The following PSMD1 variants were observed in gnomAD, a reference collection of about 807,000 sequenced individuals.
PSMD1 encodes the protein 26S proteasome non-ATPase regulatory subunit 1.
In PSMD1, 18 loss-of-function variants were observed where a neutral mutation model predicts 119.0. The ratio of observed to expected loss-of-function variants is 0.15; its 90% CI spans 0.10 to 0.22. The LOEUF (loss-of-function observed/expected upper bound fraction) is 0.22, where lower values mean the gene tolerates loss of function less well. PSMD1 is among the 10% of genes least tolerant of loss of function. PSMD1 has a pLI of 1.00. For synonymous variants in PSMD1, 374 were observed against 396.6 expected (o/e 0.94, Z 0.68); for missense variants, 702 against 1,158.5 (o/e 0.61, Z 5.72).
At chr2:231,165,049 TATA>T (rs1696739528) in intron 21 of PSMD1, 148 bp from the exon 22 acceptor site, 1 of 18,212 alleles carries the variant, frequency 5.5e-5, no homozygotes, top group Non-Finnish European at 8.5e-5. Context: ...TATATATATA[TATA>T]TATATATATA....
Position 231,172,542 on chromosome 2 carries a change from C to T in PSMD1, c.*17C>T, listed in dbSNP as rs1696935406. ...CTTTCTTCCCTTTCCCAGGATCTCACTTGCTTATCTGAAGAAGATTGTCCA... is the reference window on the plus strand; with the variant it reads ...CTTTCTTCCCTTTCCCAGGATCTCATTTGCTTATCTGAAGAAGATTGTCCA... On this transcript the variant is annotated 3_prime_UTR_variant, in exon 25 of 25. Coordinates refer to ENST00000308696, the MANE Select transcript of PSMD1 (RefSeq NM_002807.4). 3 of 152,204 alleles carry T rather than the reference C, an allele frequency of 2.0e-5. No individual in the cohort carries two copies. In the South Asian group the frequency reaches 6.2e-4, roughly 32 times the overall value. The allele number at this position is 152,204 out of a possible 1,614,324, so 9.4% of individuals were successfully genotyped here.
chr2:231,115,141 G>T (rs1266155956), intron 16 of PSMD1, among the ~76,000 whole-genome samples: 1 of 151,222 alleles, frequency 6.6e-6, no homozygotes, highest in South Asian at 2.1e-4. Context: ...ATTGTTAACT[G>T]TTTAAAATTT....
chr2:231,101,348 C>T (rs899047075), intron 16 of PSMD1, among the ~76,000 whole-genome samples: 3 of 152,126 alleles, frequency 2.0e-5, no homozygotes, highest in African/African-American at 7.2e-5. Flanking sequence ...CAAAACCTCC[C>T]GGCCTTCCAG....
intron 19 of PSMD1, among the ~76,000 whole-genome samples, chr2:231,160,250 C>T (rs1431417952): frequency 6.6e-6 from 1 of 152,154 alleles, no homozygotes; most frequent in Non-Finnish European, 1.5e-5. Context: ...AAATTCAACC[C>T]CTCATTTTGC....
chr2:231,159,495 C>T (rs1696584168), intron 19 of PSMD1, among the ~76,000 whole-genome samples: 1 of 152,144 alleles, frequency 6.6e-6, no homozygotes, highest in African/African-American at 2.4e-5. Context: ...GGACCTACAC[C>T]CCCAGTAACA....
intron 16 of PSMD1, among the ~76,000 whole-genome samples, chr2:231,093,147 T>TG (rs1694640736): frequency 6.6e-6 from 1 of 151,944 alleles, no homozygotes; most frequent in South Asian, 2.1e-4. Flanking sequence ...TATTAGAGGT[T>TG]GGGAAGCGGG....
intron 16 of PSMD1, among the ~76,000 whole-genome samples, chr2:231,095,123 G>T (rs999049111): frequency 2.0e-5 from 3 of 152,170 alleles, no homozygotes; most frequent in African/African-American, 7.2e-5. Context: ...AGTTGCCTCT[G>T]AGAAATAGCT....
chr2:231,083,819 T>G (rs995463324), intron 14 of PSMD1, 56 bp downstream of exon 14: 1 of 1,535,876 alleles, frequency 6.5e-7, no homozygotes, highest in Non-Finnish European at 8.9e-7. Context: ...AAAAAACACT[T>G]AACTTCACTG....
chr2:231,108,430 A>G (rs934588297), intron 16 of PSMD1: 3 of 944,088 alleles, frequency 3.2e-6, no homozygotes, highest in Admixed American at 2.1e-5. Flanking sequence ...TATGACATAA[A>G]ATTCTTTATA....
intron 1 of PSMD1, 55 bp downstream of exon 1, chr2:231,057,096 T>G: frequency 6.8e-7 from 1 of 1,472,100 alleles, no homozygotes; most frequent in Non-Finnish European, 9.0e-7. Flanking sequence ...CGCGCCGGCT[T>G]TTAGCTGAGT....
intron 17 of PSMD1, among the ~76,000 whole-genome samples, chr2:231,139,314 C>CTTTTT (rs60709158): frequency 3.1e-3 from 288 of 93,512 alleles, no homozygotes; most frequent in Middle Eastern, 8.6e-3. Flanking sequence ...TTTTTTCTTT[C>CTTTTT]TTTTTTTTTT....
At chr2:231,086,332 ACT>A (rs1287692397) in intron 15 of PSMD1, among the ~76,000 whole-genome samples, 2 of 152,214 alleles carry the variant, frequency 1.3e-5, no homozygotes, top group African/African-American at 4.8e-5. Context: ...GGTGTGAGCC[ACT>A]GTGTCTGGCC....
chr2:231,083,038 A>G (rs1007380290), intron 13 of PSMD1, 44 bp downstream of exon 13: 5 of 1,377,424 alleles, frequency 3.6e-6, no homozygotes, highest in Non-Finnish European at 1.0e-6. Flanking sequence ...GTATTAATTA[A>G]TGTAAATGTA....
intron 16 of PSMD1, among the ~76,000 whole-genome samples, chr2:231,105,361 T>A (rs1389044754): frequency 2.0e-5 from 3 of 152,208 alleles, no homozygotes; most frequent in African/African-American, 4.8e-5. Flanking sequence ...CAGATTTTAT[T>A]ATTATAACAA....
chr2:231,113,637 T>C (rs1032345371), intron 16 of PSMD1: 9 of 1,115,074 alleles, frequency 8.1e-6, no homozygotes, highest in African/African-American at 7.7e-5. Context: ...CCTCTCATGC[T>C]GAGTTTCATT....
chr2:231,125,560 A>G (rs897093150), intron 16 of PSMD1, among the ~76,000 whole-genome samples: 1 of 152,236 alleles, frequency 6.6e-6, no homozygotes, highest in African/African-American at 2.4e-5. Context: ...CCTGAATTCT[A>G]CATGTATACA....
At chr2:231,071,059 T>C (rs900627174) in intron 6 of PSMD1, among the ~76,000 whole-genome samples, 2 of 152,128 alleles carry the variant, frequency 1.3e-5, no homozygotes, top group Non-Finnish European at 2.9e-5. Context: ...CTTGATTTTT[T>C]ACATCACCCA....
At chr2:231,061,713 A>G (rs1693765170) in intron 2 of PSMD1, among the ~76,000 whole-genome samples, 1 of 151,954 alleles carries the variant, frequency 6.6e-6, no homozygotes, top group Non-Finnish European at 1.5e-5. Flanking sequence ...GTAGGCATGC[A>G]CCACCACACT....
At chr2:231,072,958 T>C (rs1412542784) in intron 7 of PSMD1, among the ~76,000 whole-genome samples, 1 of 152,144 alleles carries the variant, frequency 6.6e-6, no homozygotes, top group Non-Finnish European at 1.5e-5. Context: ...GGCAGCCCCC[T>C]AGCCCGCTCT....
Sources: gnomAD v4.1 joint callset for allele counts (sites outside exome capture counted in the v4.1 genomes callset) on GRCh38, gnomAD v4.1.1 for gene constraint, MANE v1.5 for transcripts, NCBI Gene and HGNC (gene_info 2026-07-23, HGNC 2026-07-21) for gene names.